The following BCL9L variants were observed in gnomAD, a reference collection of about 807,000 sequenced individuals.
BCL9L encodes B-cell CLL/lymphoma 9-like protein.
A neutral mutation model predicts 99.4 loss-of-function variants in BCL9L; 19 were observed. The ratio of observed to expected loss-of-function variants is 0.19; its 90% CI spans 0.13 to 0.28. The LOEUF (loss-of-function observed/expected upper bound fraction) is 0.28. Ranked by LOEUF, BCL9L falls within the 10% of genes least tolerant of loss-of-function variation. BCL9L has a pLI of 1.00. For synonymous variants in BCL9L, 900 were observed against 854.8 expected (o/e 1.05, Z -0.92); for missense variants, 2,023 against 2,101.6 (o/e 0.96, Z 0.73).
At chr11:118,911,310 C>T (rs980655962) in intron 2 of BCL9L, 2 of 454,264 alleles carry the variant, frequency 4.4e-6, no homozygotes, top group African/African-American at 4.0e-5. Flanking sequence ...ACTCCTGATG[C>T]TCCCTGCGGG....
chr11:118,913,022 G>A (rs1189696047), intron 2 of BCL9L, among the ~76,000 whole-genome samples: 1 of 152,110 alleles, frequency 6.6e-6, no homozygotes, highest in South Asian at 2.1e-4. Flanking sequence ...GTGACTCAGC[G>A]GGCAGGGAGG....
chr11:118,907,727 T>TAC lies in BCL9L; in HGVS notation c.413-126_413-125insGT. On this transcript the variant is annotated intron_variant, in intron 4 of 9. Coordinates refer to ENST00000683865, the MANE Select transcript of BCL9L (RefSeq NM_001378213.1). ...CTAGAGGGCACTGCCCAGGCCATGG[T>TAC]GGGCACTTCGCCAGCCCGTGGCCCC... The TAC allele has an allele frequency of 6.9e-6, 10 of 1,445,712 alleles. No individual in the cohort carries two copies. The East Asian group carries it at 7.4e-5, about 11-fold the overall frequency. The allele number at this position is 1,445,712 out of a possible 1,614,324, so 89.6% of individuals were successfully genotyped here.
At chr11:118,905,629 C>T (rs114914437) in intron 5 of BCL9L, among the ~76,000 whole-genome samples, 2,230 of 150,426 alleles carry the variant, frequency 0.015, 49 homozygotes, top group African/African-American at 0.05. Flanking sequence ...CCGGTCTGGC[C>T]AACATGCTAA....
At chr11:118,911,034 A>G in intron 2 of BCL9L, 2 of 330,872 alleles carry the variant, frequency 6.0e-6, no homozygotes, top group Non-Finnish European at 1.2e-5. Flanking sequence ...GACCCATTGA[A>G]CAGATGAAAA....
At position 118,899,546 on chromosome 11, in the gene BCL9L, GC is replaced by G. The variant is rs750387365; in HGVS notation, c.3407-39del. On this transcript the variant is annotated intron_variant, in intron 9 of 9. Transcript: ENST00000683865. ...GAAGACAGGGGGTCAGGCACGGTGT[GC>G]CCAGCTCGGGGAGGGTGCAGGGCTC... 1.9e-6 allele frequency: 3 copies of G among 1,596,298 alleles called. No homozygotes were observed. In the South Asian group the frequency reaches 3.4e-5, roughly 18 times the overall value.
chr11:118,904,212 G>A (rs1266463907), intron 5 of BCL9L, among the ~76,000 whole-genome samples: 2 of 152,084 alleles, frequency 1.3e-5, no homozygotes, highest in Non-Finnish European at 2.9e-5. Flanking sequence ...CGGTAGAGGC[G>A]GGCGGATCAC....
Position 118,902,310 on chromosome 11 carries a change from C to A in BCL9L, c.1433G>T (p.Ser478Ile), listed in dbSNP as rs761522125. Reference protein sequence around the residue: ...PLQSMISQTQSLGGPPLEHEV... With the variant: ...PLQSMISQTQILGGPPLEHEV... ...ATGCTCCAGCGGGGGGCCCCCTAGG[C>A]TCTGTGTCTGTGAAATCATGGACTG... is the stretch of plus-strand genomic sequence containing the variant. Residue 478 changes from serine (S) to isoleucine (I), a missense_variant, in exon 8 of 10, where the codon AGC becomes ATC. By Grantham distance (142) the Ser-to-Ile change is moderately radical. Coordinates refer to ENST00000683865, the MANE Select transcript of BCL9L (RefSeq NM_001378213.1). This position sits in a 1 kb window ranked among gnomAD's most constrained non-coding sequence, Gnocchi z 7.8. 6.4e-7 allele frequency: 1 copy of A among 1,563,258 alleles called. No homozygotes were observed. Among genetic ancestry groups the A allele is most frequent in the Non-Finnish European group, 8.7e-7 (1 of 1,154,686 alleles).
chr11:118,902,675 C>A lies in BCL9L; in HGVS notation c.1068G>T (p.Pro356=). ...GAGGGTTGTTGGCGGTGGTAGCCGT[C>A]GGGGTGTTAGGGTGGGTGCCCCCAG... ...GGTGGTHPNT[P]TATTANNPLP... Residue 356 remains proline (P), a synonymous_variant, in exon 8 of 10, where the codon CCG becomes CCT. Transcript: ENST00000683865. This position sits in a 1 kb window ranked among gnomAD's most constrained non-coding sequence, Gnocchi z 7.8. 1 of 1,599,194 alleles carries A rather than the reference C, an allele frequency of 6.3e-7. No homozygotes were observed.
intron 2 of BCL9L, chr11:118,910,964 G>C (rs1940768347): frequency 3.9e-6 from 1 of 255,876 alleles, no homozygotes; most frequent in African/African-American, 2.3e-5. Flanking sequence ...CGGGAGGCGC[G>C]GAGACAGCCT....
Position 118,899,437 on chromosome 11 carries a change from G to C in BCL9L, c.3478C>G (p.Leu1160Val), listed in dbSNP as rs760416941. 3.1e-6 allele frequency: 5 copies of C among 1,602,078 alleles called. No individual in the cohort carries two copies. In the South Asian group the frequency reaches 5.6e-5, roughly 18 times the overall value. ...TGGGACAGGGGCTGCTGGCCTGGCA[G>C]GTTCATGCCCATAGGGCTCTGGGCA... is the stretch of plus-strand genomic sequence containing the variant. ...AAAQSPMGMNLPGQQPLSHEP... is the reference protein window; with the variant it reads ...AAAQSPMGMNVPGQQPLSHEP... The change falls in exon 10 of 10, where the codon CTG (leucine) becomes GTG (valine). Residue 1160 changes from leucine to valine, a missense_variant. Physicochemically the swap from Leu to Val is conservative, Grantham distance 32. Coordinates refer to ENST00000683865, the MANE Select transcript of BCL9L (RefSeq NM_001378213.1).
In BCL9L at chr11:118,898,263, C is replaced by T. The variant is rs1940005668; in HGVS notation, c.*152G>A. The stretch of plus-strand genomic sequence containing the variant: ...ACTTCCCCCTAAGCTGCCAGCACAT[C>T]TGGTTTCCACAAATGCCACTCCCTA... On this transcript the variant is annotated 3_prime_UTR_variant, in exon 10 of 10. Coordinates refer to ENST00000683865, the MANE Select transcript of BCL9L (RefSeq NM_001378213.1). 4.7e-6 allele frequency: 5 copies of T among 1,058,746 alleles called. No homozygotes were observed. The highest frequency in any genetic ancestry group is 6.6e-6 in the Non-Finnish European group (5 of 760,186). The allele number at this position is 1,058,746 out of a possible 1,614,324, so 65.6% of individuals were successfully genotyped here. A position where few individuals can be genotyped will look rare whatever the true frequency, so the allele number is the denominator to read the frequency against.
In BCL9L at chr11:118,901,248, G is replaced by C. The variant is rs183804575; in HGVS notation, c.2495C>G (p.Pro832Arg). 2.5e-6 allele frequency: 4 copies of C among 1,613,904 alleles called. No individual in the cohort carries two copies. In the African/African-American group the frequency reaches 5.3e-5, roughly 22 times the overall value. ...AQNSSGVMGG[P>R]QKMLMPSQFP... ...CTGTGAAGGCATCAGCATCTTCTGC[G>C]GGCCGCCCATCACGCCACTGCTGTT... The change falls in exon 8 of 10, where the codon CCG becomes CGG. Residue 832 changes from proline (P) to arginine (R), a missense_variant. Transcript: ENST00000683865. The surrounding 1 kb of genome is among the most constrained non-coding windows in gnomAD (Gnocchi z 6.6).
At position 118,921,342 on chromosome 11, in the gene BCL9L, C is replaced by T. The variant is rs955642741; in HGVS notation, c.-130-2463G>A. 2.6e-5 allele frequency among the ~76,000 whole-genome samples: 4 copies of T among 152,058 alleles called. No homozygotes were observed. The highest frequency in any genetic ancestry group is 4.4e-5 in the Non-Finnish European group (3 of 68,048). ...CAAACTCAGACACACAAACTTGCAG[C>T]GCAGAGTGTGTGAAGTCGGATTAGA... is the stretch of plus-strand genomic sequence containing the variant. On this transcript the variant is annotated intron_variant, in intron 1 of 9. Coordinates refer to ENST00000683865, the MANE Select transcript of BCL9L (RefSeq NM_001378213.1). This position sits in a 1 kb window ranked among gnomAD's most constrained non-coding sequence, Gnocchi z 5.4.
intron 2 of BCL9L, among the ~76,000 whole-genome samples, chr11:118,912,025 C>A (rs1320466392): frequency 3.3e-5 from 5 of 152,270 alleles, no homozygotes; most frequent in Admixed American, 3.3e-4. Context: ...CGGGACTCCA[C>A]CCCCTCTCTC....
Position 118,901,441 on chromosome 11 carries a change from C to T in BCL9L, c.2302G>A (p.Gly768Ser), listed in dbSNP as rs1042794958. 2.5e-6 allele frequency: 4 copies of T among 1,613,990 alleles called. No individual in the cohort carries two copies. The highest frequency in any genetic ancestry group is 3.4e-6 in the Non-Finnish European group (4 of 1,180,000). ...ACATTCATGTTCATGTTGAGGTTGC[C>T]TGGCCCCATGGGTGGGTCCACCTCC... ...LREVDPPMGPGNLNMNMNVNM... is the reference protein window; with the variant it reads ...LREVDPPMGPSNLNMNMNVNM... Residue 768 changes from glycine (G) to serine (S), a missense_variant, in exon 8 of 10, where the codon GGC becomes AGC. By Grantham distance (56) the Gly-to-Ser change is moderately conservative. Coordinates refer to ENST00000683865, the MANE Select transcript of BCL9L (RefSeq NM_001378213.1). The surrounding 1 kb of genome is among the most constrained non-coding windows in gnomAD (Gnocchi z 6.6).
intron 2 of BCL9L, among the ~76,000 whole-genome samples, chr11:118,915,493 T>C (rs2134434000): frequency 6.6e-6 from 1 of 152,308 alleles, no homozygotes; most frequent in Middle Eastern, 3.4e-3. Flanking sequence ...GCTCCTCCCC[T>C]GCCCTCCTCT....
chr11:118,904,692 A>C lies in BCL9L; in HGVS notation c.533-1240T>G, dbSNP rs113759299. Among the ~76,000 whole-genome samples the C allele has an allele frequency of 2.7e-3, 412 of 152,334 alleles. 3 individuals carry two copies. The highest frequency in any genetic ancestry group is 9.6e-3 in the African/African-American group (400 of 41,578). On this transcript the variant is annotated intron_variant, in intron 5 of 9. Transcript: ENST00000683865. ...GCAGACAGTAAGTACCAGCATTCTC[A>C]GTTAATGGGAGACAGATTGCCTGAA...
intron 2 of BCL9L, chr11:118,911,132 C>G (rs532097196): frequency 1.9e-5 from 8 of 429,748 alleles, no homozygotes; most frequent in African/African-American, 1.2e-4. Context: ...CAGCAACAGA[C>G]TTACACAAAC....
At position 118,903,096 on chromosome 11, in the gene BCL9L, A is replaced by T; in HGVS notation, c.750-22T>A. 6.4e-7 allele frequency: 1 copy of T among 1,561,010 alleles called. No individual in the cohort carries two copies. The highest frequency in any genetic ancestry group is 8.6e-7 in the Non-Finnish European group (1 of 1,157,468). ...AGCCCTGCACAGAGTGGGGGCACCGACAGCTCAGAGAGGTGAGCAGGAGGG... is the reference window on the plus strand; with the variant it reads ...AGCCCTGCACAGAGTGGGGGCACCGTCAGCTCAGAGAGGTGAGCAGGAGGG... On this transcript the variant is annotated intron_variant, in intron 6 of 9. Coordinates refer to ENST00000683865, the MANE Select transcript of BCL9L (RefSeq NM_001378213.1). The surrounding 1 kb of genome is among the most constrained non-coding windows in gnomAD (Gnocchi z 5.6).
Sources: allele counts gnomAD v4.1 joint callset (sites outside exome capture counted in the v4.1 genomes callset), GRCh38; gene constraint gnomAD v4.1.1; non-coding constraint Gnocchi (gnomAD v3.1); transcripts MANE v1.5; gene names NCBI Gene and HGNC (gene_info 2026-07-23, HGNC 2026-07-21).